The following EBF1 variants were observed in gnomAD, a reference collection of about 807,000 sequenced individuals.
EBF1 encodes EBF transcription factor 1, also known as transcription factor COE1.
Under a neutral mutation model 68.4 loss-of-function variants are expected in EBF1, and 10 were observed. That is an observed-to-expected ratio of 0.15 (90% CI 0.09 to 0.25). The LOEUF (loss-of-function observed/expected upper bound fraction) is 0.25, where lower values mean the gene tolerates loss of function less well. Among genes scored for constraint, EBF1 ranks in the 10% least tolerant of loss-of-function variants. The pLI is 1.00. For synonymous variants in EBF1, 298 were observed against 299.8 expected, an observed-to-expected ratio of 0.99 and a Z score of 0.06; for missense variants, 509 against 794.4, an observed-to-expected ratio of 0.64 and a Z score of 4.32.
At chr5:158,738,551 A>G (rs975118195) in intron 10 of EBF1, among the ~76,000 whole-genome samples, 1 of 152,240 alleles carries the variant, frequency 6.6e-6, no homozygotes. Context: ...CATTTTAAAC[A>G]TACCCTGAGG....
chr5:159,014,892 T>C (rs1254863705), intron 6 of EBF1, among the ~76,000 whole-genome samples: 4 of 152,164 alleles, frequency 2.6e-5, no homozygotes, highest in East Asian at 3.8e-4. Flanking sequence ...GACCACCCTC[T>C]AGGGATGGCA....
chr5:158,881,349 G>A (rs1291676718), intron 6 of EBF1, among the ~76,000 whole-genome samples: 3 of 152,148 alleles, frequency 2.0e-5, no homozygotes, highest in Non-Finnish European at 4.4e-5. Context: ...AGATTCTGAC[G>A]CTTAAATAAT....
In EBF1 at chr5:158,712,283, T is replaced by C; in HGVS notation, c.1420A>G (p.Thr474Ala). The change falls in exon 14 of 16, where the codon ACC becomes GCC. Residue 474 changes from threonine to alanine, a missense_variant. This residue lies in a region of EBF1 where 205 missense variants were observed against 247.4 expected (regional missense o/e 0.83). Coordinates refer to ENST00000313708, the MANE Select transcript of EBF1 (RefSeq NM_024007.5). The stretch of plus-strand genomic sequence containing the variant: ...TTATAGTTGGTCTGCTGGGGAGTGG[T>C]GCTCGGCACGTACCCGTGTGGTGAT... ...SVSPHGYVPS[T>A]TPQQTNYNSV... 6.2e-7 allele frequency: 1 copy of C among 1,614,032 alleles called. No individual in the cohort carries two copies. The highest frequency in any genetic ancestry group is 8.5e-7 in the Non-Finnish European group (1 of 1,179,994).
At chr5:158,751,637 G>C (rs1330931687) in intron 10 of EBF1, among the ~76,000 whole-genome samples, 1 of 152,096 alleles carries the variant, frequency 6.6e-6, no homozygotes, top group African/African-American at 2.4e-5. Flanking sequence ...CTATGTCTCA[G>C]TCTCCTTACC....
intron 6 of EBF1, among the ~76,000 whole-genome samples, chr5:158,935,896 C>T (rs1476843179): frequency 6.6e-6 from 1 of 152,196 alleles, no homozygotes; most frequent in African/African-American, 2.4e-5. Context: ...GTAGATGATT[C>T]ATATTTCATT....
chr5:158,788,865 T>C (rs548145390), intron 9 of EBF1, among the ~76,000 whole-genome samples: 1 of 152,244 alleles, frequency 6.6e-6, no homozygotes, highest in African/African-American at 2.4e-5. Flanking sequence ...ATTATCAACA[T>C]AGAAAATAGA....
At chr5:158,880,592 G>T (rs1473716629) in intron 6 of EBF1, among the ~76,000 whole-genome samples, 4 of 152,148 alleles carry the variant, frequency 2.6e-5, no homozygotes, top group Admixed American at 2.6e-4. Context: ...CAAACATGAT[G>T]CAGATCAAAA....
chr5:159,078,866 G>T (rs992736184), intron 5 of EBF1, among the ~76,000 whole-genome samples: 1 of 152,116 alleles, frequency 6.6e-6, no homozygotes, highest in African/African-American at 2.4e-5. Context: ...CACAGGTGGC[G>T]TATTTCTAGA....
intron 6 of EBF1, among the ~76,000 whole-genome samples, chr5:158,988,589 C>G (rs1759623527): frequency 6.6e-6 from 1 of 152,180 alleles, no homozygotes; most frequent in Non-Finnish European, 1.5e-5. Flanking sequence ...AATACACCCA[C>G]CACCCTATCT....
At chr5:158,998,067 T>C (rs1216351560) in intron 6 of EBF1, among the ~76,000 whole-genome samples, 1 of 152,120 alleles carries the variant, frequency 6.6e-6, no homozygotes, top group Non-Finnish European at 1.5e-5. Context: ...TCCATCATAT[T>C]ACCTCCCATC....
intron 6 of EBF1, among the ~76,000 whole-genome samples, chr5:158,979,143 A>G (rs576102843): frequency 7.6e-4 from 115 of 152,306 alleles, no homozygotes; most frequent in African/African-American, 2.6e-3. Context: ...AGGTTTGGAG[A>G]CTATAGGAAA....
At chr5:158,908,235 C>G (rs1805099045) in intron 6 of EBF1, among the ~76,000 whole-genome samples, 1 of 152,180 alleles carries the variant, frequency 6.6e-6, no homozygotes, top group African/African-American at 2.4e-5. Flanking sequence ...TGTACACACC[C>G]ATACATGCAT....
At chr5:158,912,690 G>A (rs977976542) in intron 6 of EBF1, among the ~76,000 whole-genome samples, 6 of 152,152 alleles carry the variant, frequency 3.9e-5, no homozygotes, top group Non-Finnish European at 8.8e-5. Context: ...GCAAATGTTA[G>A]CTCCACTTTG....
intron 6 of EBF1, among the ~76,000 whole-genome samples, chr5:159,058,879 C>T (rs1207238152): frequency 6.6e-6 from 1 of 152,168 alleles, no homozygotes; most frequent in Non-Finnish European, 1.5e-5. Flanking sequence ...CCAAACAGTT[C>T]CAAGAAAAGG....
chr5:159,078,691 A>G (rs1779231644), intron 5 of EBF1, among the ~76,000 whole-genome samples: 1 of 152,212 alleles, frequency 6.6e-6, no homozygotes, highest in Non-Finnish European at 1.5e-5. Flanking sequence ...CAGTGACATG[A>G]GAACAATGTG....
chr5:158,956,594 C>T (rs1236962574), intron 6 of EBF1, among the ~76,000 whole-genome samples: 3 of 151,830 alleles, frequency 2.0e-5, no homozygotes, highest in Non-Finnish European at 4.4e-5. Context: ...TTCAACCATC[C>T]AAACAATTAA....
chr5:158,895,723 G>A (rs1398109160), intron 6 of EBF1, among the ~76,000 whole-genome samples: 4 of 152,192 alleles, frequency 2.6e-5, no homozygotes, highest in Non-Finnish European at 5.9e-5. Context: ...AAGCCTGGTA[G>A]CCTGAACTAC....
intron 15 of EBF1, among the ~76,000 whole-genome samples, chr5:158,702,730 G>C: frequency 8.7e-6 from 1 of 115,410 alleles, no homozygotes; most frequent in Admixed American, 1.1e-4. Flanking sequence ...GGCTACAGAG[G>C]GAGACTCCTT....
Position 158,777,427 on chromosome 5 carries a change from C to T in EBF1, c.1022G>A (p.Arg341Lys). 1 of 1,611,532 alleles carries T rather than the reference C, an allele frequency of 6.2e-7. No homozygotes were observed. ...SKQFCKGTPG[R>K]FIYTALNEPT... Reference sequence around the variant, plus strand: ...GTGGTTCTTACCTGTATAAATGAATCTGCCTGGTGTTCCTTTGCAGAACTG... The same window carrying T: ...GTGGTTCTTACCTGTATAAATGAATTTGCCTGGTGTTCCTTTGCAGAACTG... Residue 341 changes from arginine (R) to lysine (K), a missense_variant, in exon 10 of 16, where the codon AGA becomes AAA. Transcript: ENST00000313708.
Sources: gnomAD v4.1 joint callset for allele counts (sites outside exome capture counted in the v4.1 genomes callset) on GRCh38, gnomAD v4.1.1 for gene constraint, gnomAD v4.1.1 regional missense constraint, MANE v1.5 for transcripts, NCBI Gene and HGNC (gene_info 2026-07-23, HGNC 2026-07-21) for gene names.